The following TPT1 variants were observed in gnomAD, a reference collection of about 807,000 sequenced individuals.
TPT1 encodes the protein translationally-controlled tumor protein.
Under a neutral mutation model 22.8 loss-of-function variants are expected in TPT1, and 5 were observed. The ratio of observed to expected loss-of-function variants is 0.22; its 90% CI spans 0.11 to 0.46. TPT1 has a LOEUF of 0.46. Among genes scored for constraint, TPT1 ranks in the 20% least tolerant of loss-of-function variants. TPT1 has a pLI of 0.99. For missense variants in TPT1, 130 were observed against 218.7 expected (o/e 0.59, Z 2.56); for synonymous variants, 89 against 73.6 (o/e 1.21, Z -1.07).
chr13:45,340,574 A>G (rs928165280), intron 2 of TPT1, 138 bp downstream of exon 2: 2 of 1,086,530 alleles, frequency 1.8e-6, no homozygotes, highest in Non-Finnish European at 2.7e-6. Context: ...CCAGTTTTCT[A>G]GAAAAACCCA....
rs1043630019 is a variant in TPT1, at chr13:45,333,802, C to T, written c.*3584G>A. 20 of 152,120 alleles carry T rather than the reference C, an allele frequency of 1.3e-4. No individual in the cohort carries two copies. Among genetic ancestry groups the T allele is most frequent in the Non-Finnish European group, 1.5e-5 (1 of 68,022 alleles). 9.4% of individuals were successfully genotyped at this position (152,120 alleles called of 1,614,324 possible). On this transcript the variant is annotated 3_prime_UTR_variant, in exon 6 of 6. Coordinates refer to ENST00000530705, the MANE Select transcript of TPT1 (RefSeq NM_003295.4). ...GAAATCCAACGGTAGTCAAGTTTAC[C>T]ACTATCAGGCCTCATATTACTTAAG...
Position 45,334,412 on chromosome 13 carries a change from TTA to T in TPT1, c.*2972_*2973del, listed in dbSNP as rs1040666357. 2 of 152,206 alleles carry T rather than the reference TTA, an allele frequency of 1.3e-5. No homozygotes were observed. The highest frequency in any genetic ancestry group is 1.9e-4 in the East Asian group (1 of 5,198). The allele number at this position is 152,206 out of a possible 1,614,324, so 9.4% of individuals were successfully genotyped here. ...GTATCATGGCTTTCAATGTCTATTG[TTA>T]TCTTTCCACTCTCTATATAGTTCTC... On this transcript the variant is annotated 3_prime_UTR_variant, in exon 6 of 6. Transcript: ENST00000530705.
intron 5 of TPT1, 150 bp downstream of exon 5, chr13:45,338,510 G>C: frequency 1.4e-6 from 2 of 1,408,854 alleles, no homozygotes; most frequent in Non-Finnish European, 1.9e-6. Flanking sequence ...TTTTACATAT[G>C]AAACACAATT....
rs753199023 is a variant in TPT1 at position 45,338,649 on chromosome 13, C to A, written c.516+11G>T. The stretch of plus-strand genomic sequence containing the variant: ...TACATTATTTATTTTAACCCACTTC[C>A]TTGTACTTACACATTTTTCCATTTC... On this transcript the variant is annotated intron_variant, in intron 5 of 5. Coordinates refer to ENST00000530705, the MANE Select transcript of TPT1 (RefSeq NM_003295.4). 6.2e-7 allele frequency: 1 copy of A among 1,611,152 alleles called. No homozygotes were observed. The highest frequency in any genetic ancestry group is 8.5e-7 in the Non-Finnish European group (1 of 1,179,340).
rs1034637824 is a variant in TPT1, at chr13:45,336,412, G to T, written c.*974C>A. 2 of 152,240 alleles carry T rather than the reference G, an allele frequency of 1.3e-5. No individual in the cohort carries two copies. The highest frequency in any genetic ancestry group is 2.9e-5 in the Non-Finnish European group (2 of 68,058). The allele number at this position is 152,240 out of a possible 1,614,324, so 9.4% of individuals were successfully genotyped here. A position where few individuals can be genotyped will look rare whatever the true frequency, so the allele number is the denominator to read the frequency against. ...ATCTGTGGTGGAAACCATAGCAGCA[G>T]ATAGCAACTGCTCCAGGTCTGTCAA... On this transcript the variant is annotated 3_prime_UTR_variant, in exon 6 of 6. Coordinates refer to ENST00000530705, the MANE Select transcript of TPT1 (RefSeq NM_003295.4).
upstream of TPT1, chr13:45,341,183 G>GCGTGATT: frequency 1.4e-6 from 2 of 1,424,584 alleles, no homozygotes; most frequent in Non-Finnish European, 1.9e-6. Flanking sequence ...GGGCGGAAAA[G>GCGTGATT]GCCGACTCAG....
intron 5 of TPT1, 197 bp downstream of exon 5, chr13:45,338,463 C>A: frequency 1.7e-6 from 2 of 1,144,318 alleles, no homozygotes; most frequent in Non-Finnish European, 2.4e-6. Flanking sequence ...ACGTTTTCCA[C>A]AAATAAGATT....
chr13:45,337,572 A>G, intron 5 of TPT1, 184 bp from the exon 6 acceptor site: 1 of 1,607,960 alleles, frequency 6.2e-7, no homozygotes, highest in South Asian at 1.1e-5. Context: ...AACCAAAAGA[A>G]CAACAGTAAA....
At chr13:45,338,925 A>G in intron 4 of TPT1, 149 bp from the exon 5 acceptor site, 1 of 613,008 alleles carries the variant, frequency 1.6e-6, no homozygotes, top group Non-Finnish European at 2.7e-6. Flanking sequence ...TATCATAGAC[A>G]TCTGTTCACT....
intron 1 of TPT1, 23 bp downstream of exon 1, chr13:45,341,019 A>C: frequency 6.2e-7 from 1 of 1,610,410 alleles, no homozygotes; most frequent in Non-Finnish European, 8.5e-7. Flanking sequence ...TGCGGCAGTA[A>C]GGATAGTGCA....
chr13:45,340,882 T>G (rs1209535610), intron 1 of TPT1, 97 bp from the exon 2 acceptor site: 4 of 1,465,770 alleles, frequency 2.7e-6, no homozygotes, highest in Admixed American at 2.7e-5. Context: ...TGCCCCTCCG[T>G]AGCACACCAG....
chr13:45,338,519 T>G, intron 5 of TPT1, 141 bp downstream of exon 5: 2 of 1,433,258 alleles, frequency 1.4e-6, no homozygotes, highest in Non-Finnish European at 1.8e-6. Context: ...TGAAACACAA[T>G]TCTCTTGATC....
At chr13:45,338,283 C>T (rs1044958335) in intron 5 of TPT1, 1 of 219,420 alleles carries the variant, frequency 4.6e-6, no homozygotes, top group African/African-American at 2.3e-5. Context: ...CCATGCCTGG[C>T]TAATTTTTGT....
chr13:45,339,706 G>A (rs1482416763), intron 3 of TPT1, 104 bp from the exon 4 acceptor site: 5 of 1,047,136 alleles, frequency 4.8e-6, no homozygotes, highest in Non-Finnish European at 5.5e-6. Context: ...ACTGAAAAAG[G>A]CAACCAGCTG....
rs145908479 is a variant in TPT1, at chr13:45,340,721, C to T, written c.93G>A (p.Val31=). The change falls in exon 2 of 6, where the codon GTG becomes GTA. Residue 31 remains valine, a synonymous_variant. Coordinates refer to ENST00000530705, the MANE Select transcript of TPT1 (RefSeq NM_003295.4). ...GGCCCGACCGACTCACCTTCCCCTC[C>T]ACCTCCAGGCACAACCCGTCCGCGA... ...REIADGLCLE[V]EGKMVSRTEG... 47 of 1,533,734 alleles carry T rather than the reference C, an allele frequency of 3.1e-5. No individual in the cohort carries two copies. Among genetic ancestry groups the T allele is most frequent in the Non-Finnish European group, 3.9e-5 (45 of 1,142,050 alleles).
In TPT1 at chr13:45,340,067, T is replaced by C; in HGVS notation, c.220A>G (p.Met74Val). ...STVITGVDIV[M>V]NHHLQETSFT... ...CTTGTTTCCTGCAGGTGATGGTTCATGACAATATCGACACCAGTGATTACT... is the reference window on the plus strand; with the variant it reads ...CTTGTTTCCTGCAGGTGATGGTTCACGACAATATCGACACCAGTGATTACT... Residue 74 changes from methionine (M) to valine (V), a missense_variant, in exon 3 of 6, where the codon ATG becomes GTG. By Grantham distance (21) the Met-to-Val change is conservative. Coordinates refer to ENST00000530705, the MANE Select transcript of TPT1 (RefSeq NM_003295.4). The C allele has an allele frequency of 6.2e-7, 1 of 1,614,220 alleles. No individual in the cohort carries two copies. Among genetic ancestry groups the C allele is most frequent in the Non-Finnish European group, 8.5e-7 (1 of 1,180,034 alleles).
intron 5 of TPT1, chr13:45,337,607 C>T (rs775371087): frequency 6.4e-7 from 1 of 1,573,144 alleles, no homozygotes; most frequent in Non-Finnish European, 8.7e-7. Flanking sequence ...TCAGTGGATG[C>T]AGAACACCCT....
At chr13:45,340,448 C>G in intron 2 of TPT1, 1 of 736,894 alleles carries the variant, frequency 1.4e-6, no homozygotes, top group Non-Finnish European at 2.4e-6. Context: ...TAAGTGGGGA[C>G]AGGACAAACA....
At position 45,334,194 on chromosome 13, in the gene TPT1, G is replaced by C. The variant is rs1416743835; in HGVS notation, c.*3192C>G. The C allele has an allele frequency of 1.3e-5, 2 of 152,272 alleles. No homozygotes were observed. Among genetic ancestry groups the C allele is most frequent in the Non-Finnish European group, 2.9e-5 (2 of 68,144 alleles). 9.4% of individuals were successfully genotyped at this position (152,272 alleles called of 1,614,324 possible). ...CCCAAATTCCTGGGGCTACAGGCATGAGCCATGGTTCCTGGCTAAATTTTA... is the reference window on the plus strand; with the variant it reads ...CCCAAATTCCTGGGGCTACAGGCATCAGCCATGGTTCCTGGCTAAATTTTA... On this transcript the variant is annotated 3_prime_UTR_variant, in exon 6 of 6. Coordinates refer to ENST00000530705, the MANE Select transcript of TPT1 (RefSeq NM_003295.4).
Sources: gnomAD v4.1 joint callset for allele counts on GRCh38, gnomAD v4.1.1 for gene constraint, MANE v1.5 for transcripts, NCBI Gene and HGNC (gene_info 2026-07-23, HGNC 2026-07-21) for gene names.